ZFAND3: variants seen among roughly 807,000 people sequenced by gnomAD.
The protein encoded by ZFAND3 is zinc finger AN1-type containing 3.
In ZFAND3, 10 loss-of-function variants were observed where a neutral mutation model predicts 29.6. That is an observed-to-expected ratio of 0.34 (90% CI 0.21 to 0.57). ZFAND3 has a LOEUF of 0.57. Among genes scored for constraint, ZFAND3 ranks in the 20% least tolerant of loss-of-function variants. The pLI is 0.86. For synonymous variants in ZFAND3, 128 were observed against 112.6 expected (o/e 1.14, Z -0.87); for missense variants, 230 against 304.5 (o/e 0.76, Z 1.82).
intron 2 of ZFAND3, among the ~76,000 whole-genome samples, chr6:38,046,056 A>G (rs894703308): frequency 6.6e-6 from 1 of 152,220 alleles, no homozygotes; most frequent in Non-Finnish European, 1.5e-5. Flanking sequence ...AGGGCGTTAT[A>G]TTTGAAAAAT....
chr6:38,013,876 C>G (rs1763205095), intron 2 of ZFAND3, among the ~76,000 whole-genome samples: 1 of 152,136 alleles, frequency 6.6e-6, no homozygotes. Flanking sequence ...GAACCACTAC[C>G]CTATTTAATC....
chr6:38,056,491 A>G (rs561420393), intron 2 of ZFAND3, among the ~76,000 whole-genome samples: 1 of 152,320 alleles, frequency 6.6e-6, no homozygotes, highest in East Asian at 1.9e-4. Context: ...TGTACATCTG[A>G]AAGATAAACA....
chr6:38,054,411 A>T (rs1243912949), intron 2 of ZFAND3, among the ~76,000 whole-genome samples: 1 of 151,220 alleles, frequency 6.6e-6, no homozygotes, highest in African/African-American at 2.4e-5. Flanking sequence ...AAAAAAAAAA[A>T]AAACAAGGAA....
At chr6:37,974,828 T>C (rs1392812838) in intron 2 of ZFAND3, among the ~76,000 whole-genome samples, 2 of 152,196 alleles carry the variant, frequency 1.3e-5, no homozygotes, top group African/African-American at 4.8e-5. Context: ...TACTACAGAC[T>C]GCCTAATCCA....
intron 1 of ZFAND3, among the ~76,000 whole-genome samples, chr6:37,869,573 GTCATAGC>G (rs1293973412): frequency 6.7e-6 from 1 of 150,302 alleles, no homozygotes; most frequent in Non-Finnish European, 1.5e-5. Flanking sequence ...CAGTGATGTG[GTCATAGC>G]TCACTGTAAC....
At chr6:38,011,704 A>G (rs1238160977) in intron 2 of ZFAND3, among the ~76,000 whole-genome samples, 1 of 152,160 alleles carries the variant, frequency 6.6e-6, no homozygotes, top group African/African-American at 2.4e-5. Flanking sequence ...TTGATTCTCC[A>G]CAATCAGTAG....
chr6:38,152,413 A>G lies in ZFAND3; in HGVS notation c.*24A>G. On this transcript the variant is annotated 3_prime_UTR_variant, in exon 6 of 6. Transcript: ENST00000287218. ...GAAGGCCAGGCATGGCCACCACGTG[A>G]CGCTGTTCTTAGTTCACTAATGTTA... The G allele has an allele frequency of 6.5e-7, 1 of 1,547,680 alleles. No homozygotes were observed. The highest frequency in any genetic ancestry group is 8.7e-7 in the Non-Finnish European group (1 of 1,149,136).
intron 2 of ZFAND3, among the ~76,000 whole-genome samples, chr6:37,957,961 ACAAAT>A (rs1260327528): frequency 1.3e-5 from 2 of 152,210 alleles, no homozygotes; most frequent in East Asian, 1.9e-4. Flanking sequence ...AATCGTGTAC[ACAAAT>A]CAAATAGAGG....
At chr6:37,855,129 A>G (rs1581711200) in intron 1 of ZFAND3, among the ~76,000 whole-genome samples, 1 of 148,746 alleles carries the variant, frequency 6.7e-6, no homozygotes, top group African/African-American at 2.5e-5. Flanking sequence ...GTCATTTTGG[A>G]TTTTGTGGCA....
intron 1 of ZFAND3, among the ~76,000 whole-genome samples, chr6:37,860,764 G>A (rs1764475660): frequency 6.9e-6 from 1 of 145,898 alleles, no homozygotes; most frequent in Non-Finnish European, 1.5e-5. Context: ...TTTTCAAACA[G>A]AACAACTTGT....
intron 1 of ZFAND3, among the ~76,000 whole-genome samples, chr6:37,908,762 A>T (rs1228718560): frequency 6.8e-6 from 1 of 148,144 alleles, no homozygotes; most frequent in Non-Finnish European, 1.5e-5. Flanking sequence ...AAAAAAAAAG[A>T]AAAGTTTGAT....
intron 2 of ZFAND3, among the ~76,000 whole-genome samples, chr6:38,002,016 TAC>T (rs1430394615): frequency 7.2e-5 from 11 of 152,184 alleles, no homozygotes; most frequent in African/African-American, 2.7e-4. Context: ...CCAGTGAAAA[TAC>T]AGTCAAGTGT....
intron 4 of ZFAND3, among the ~76,000 whole-genome samples, chr6:38,096,626 A>G (rs1024626194): frequency 4.6e-5 from 7 of 151,988 alleles, no homozygotes; most frequent in Non-Finnish European, 1.0e-4. Flanking sequence ...ATTTTCCCCT[A>G]TCAACTTTGT....
At chr6:38,121,871 CTT>C (rs1455256528) in intron 5 of ZFAND3, among the ~76,000 whole-genome samples, 1 of 152,172 alleles carries the variant, frequency 6.6e-6, no homozygotes, top group Non-Finnish European at 1.5e-5. Flanking sequence ...TGGGAAAACA[CTT>C]TAAGACCAAG....
At chr6:38,083,537 A>G (rs549672104) in intron 4 of ZFAND3, among the ~76,000 whole-genome samples, 1 of 152,300 alleles carries the variant, frequency 6.6e-6, no homozygotes, top group Admixed American at 6.5e-5. Flanking sequence ...GCGGGAAGTC[A>G]GAGAGCCAAC....
intron 2 of ZFAND3, chr6:38,002,713 A>T: frequency 6.6e-6 from 1 of 152,166 alleles, no homozygotes; most frequent in South Asian, 2.1e-4. Flanking sequence ...ATGATAGTCC[A>T]CAATTTGTTC....
chr6:37,838,350 A>T (rs911056387), intron 1 of ZFAND3, among the ~76,000 whole-genome samples: 2 of 152,224 alleles, frequency 1.3e-5, no homozygotes, highest in Non-Finnish European at 2.9e-5. Context: ...TTTGGAGTGT[A>T]TAACTGTGTG....
chr6:38,145,833 G>A (rs1766094442), intron 5 of ZFAND3, among the ~76,000 whole-genome samples: 1 of 152,200 alleles, frequency 6.6e-6, no homozygotes. Flanking sequence ...ATATTTATGA[G>A]TGGCTTCCAT....
At chr6:38,061,570 G>C in intron 2 of ZFAND3, 23 bp from the exon 3 acceptor site, 1 of 1,613,396 alleles carries the variant, frequency 6.2e-7, no homozygotes, top group Non-Finnish European at 8.5e-7. Flanking sequence ...CCTTAATTAA[G>C]CTCGTTTTCT....
Sources: allele counts gnomAD v4.1 joint callset (sites outside exome capture counted in the v4.1 genomes callset), GRCh38; gene constraint gnomAD v4.1.1; transcripts MANE v1.5; gene names NCBI Gene and HGNC (gene_info 2026-07-23, HGNC 2026-07-21).